SLC36A1: variants seen among roughly 807,000 people sequenced by gnomAD.
SLC36A1 encodes solute carrier family 36 member 1, also known as proton-coupled amino acid transporter 1.
SLC36A1 carries 30 observed loss-of-function variants against 47.5 expected under a neutral mutation model. That is an observed-to-expected ratio of 0.63 (90% CI 0.47 to 0.86). SLC36A1 has a LOEUF of 0.86. Among genes scored for constraint, SLC36A1 ranks in the 40% least tolerant of loss-of-function variants. The pLI is 0.00. For synonymous variants in SLC36A1, 255 were observed against 249.7 expected, an observed-to-expected ratio of 1.02 and a Z score of -0.20; for missense variants, 517 against 606.0, an observed-to-expected ratio of 0.85 and a Z score of 1.54.
At chr5:151,483,518 G>GTGT (rs57968429) in intron 10 of SLC36A1, among the ~76,000 whole-genome samples, 115 of 138,164 alleles carry the variant, frequency 8.3e-4, no homozygotes, top group South Asian at 5.0e-3. Context: ...TTGTGTGTGT[G>GTGT]GGGGGGGTGA....
the SLC36A1 span, among the ~76,000 whole-genome samples, chr5:151,367,374 T>TTCC: frequency 0.025 from 3,709 of 145,512 alleles, 108 homozygotes; most frequent in East Asian, 0.058. Context: ...TTTTTTTTTT[T>TTCC]CCCCAGGGTA....
rs1033818292 is a variant in SLC36A1, at chr5:151,491,034, A to G, written c.*2780A>G. ...GGAAACCGTGGGCTTTTCCGGCCAG[A>G]TACTCTTGAGCTCTGTGACCCTGCT... On this transcript the variant is annotated 3_prime_UTR_variant, in exon 11 of 11. Transcript: ENST00000243389. 1 of 152,302 alleles carries G rather than the reference A, an allele frequency of 6.6e-6. No individual in the cohort carries two copies. Among genetic ancestry groups the G allele is most frequent in the Non-Finnish European group, 1.5e-5 (1 of 68,116 alleles). 9.4% of individuals were successfully genotyped at this position (152,302 alleles called of 1,614,324 possible).
At chr5:151,362,056 G>T in the SLC36A1 span, among the ~76,000 whole-genome samples, 1,790 of 152,028 alleles carry the variant, frequency 0.012, 30 homozygotes, top group African/African-American at 0.041. Context: ...AGCCTTATTT[G>T]GGTTGAATCT....
the SLC36A1 span, chr5:151,537,805 C>G: frequency 1.2e-6 from 2 of 1,610,224 alleles, no homozygotes; most frequent in South Asian, 2.2e-5. Context: ...GTATGAGGAT[C>G]CAGCTTGAAT....
upstream of SLC36A1, among the ~76,000 whole-genome samples, chr5:151,436,859 A>G (rs1426734282): frequency 6.6e-6 from 1 of 152,028 alleles, no homozygotes; most frequent in Admixed American, 6.6e-5. Flanking sequence ...AGAAGCCCAA[A>G]CTGACGGGAC....
chr5:151,474,178 A>AAAAAAAAAAAAAAAAAAG (rs776318482), intron 8 of SLC36A1, among the ~76,000 whole-genome samples: 2 of 119,018 alleles, frequency 1.7e-5, no homozygotes, highest in African/African-American at 9.0e-5. Flanking sequence ...AAAAAAAAAA[A>AAAAAAAAAAAAAAAAAAG]AGAAATTATC....
At chr5:151,379,621 C>T in the SLC36A1 span, among the ~76,000 whole-genome samples, 28 of 152,316 alleles carry the variant, frequency 1.8e-4, 1 homozygote, top group South Asian at 4.1e-4. Context: ...CATGAGCCAC[C>T]GTGCCCGGCG....
chr5:151,509,596 G>A, the SLC36A1 span: 2 of 174,492 alleles, frequency 1.1e-5, no homozygotes, highest in African/African-American at 2.4e-5. Flanking sequence ...TCCTTATAAG[G>A]AGCATATATC....
In SLC36A1 at chr5:151,464,643, C is replaced by T. The variant is rs774538420; in HGVS notation, c.323+41C>T. The T allele has an allele frequency of 2.6e-6, 4 of 1,562,964 alleles. No homozygotes were observed. In the African/African-American group the frequency reaches 4.1e-5, roughly 16 times the overall value. On this transcript the variant is annotated intron_variant, in intron 4 of 10. Coordinates refer to ENST00000243389, the MANE Select transcript of SLC36A1 (RefSeq NM_078483.4). ...GCCACCTCTCAAGTGACAGATTGTC[C>T]TTTTGGGTTCTGTTATCAACCCTGA...
At chr5:151,385,254 C>G in the SLC36A1 span, among the ~76,000 whole-genome samples, 3 of 152,186 alleles carry the variant, frequency 2.0e-5, no homozygotes, top group Non-Finnish European at 4.4e-5. Flanking sequence ...AATGACCCAG[C>G]ATGGACCCTC....
At chr5:151,400,879 T>C in the SLC36A1 span, among the ~76,000 whole-genome samples, 1 of 152,144 alleles carries the variant, frequency 6.6e-6, no homozygotes, top group Admixed American at 6.6e-5. Context: ...TTTAGTTCTT[T>C]TGCTTGTTGA....
the SLC36A1 span, among the ~76,000 whole-genome samples, chr5:151,499,325 C>T: frequency 6.6e-6 from 1 of 152,206 alleles, no homozygotes; most frequent in African/African-American, 2.4e-5. Context: ...TCCTTAGACA[C>T]CGCACCACAG....
the SLC36A1 span, among the ~76,000 whole-genome samples, chr5:151,360,940 T>A: frequency 6.6e-6 from 1 of 152,224 alleles, no homozygotes; most frequent in Admixed American, 6.5e-5. Context: ...TCACTCCCCA[T>A]CTTTTTTGTC....
the SLC36A1 span, among the ~76,000 whole-genome samples, chr5:151,393,563 G>A: frequency 6.6e-6 from 1 of 152,158 alleles, no homozygotes; most frequent in African/African-American, 2.4e-5. Context: ...TCCATGTTGA[G>A]TCCTTCCTTC....
intron 7 of SLC36A1, 152 bp downstream of exon 7, chr5:151,468,077 G>A: frequency 1.6e-6 from 1 of 621,026 alleles, no homozygotes. Context: ...CCGTCATGGT[G>A]AAACCTGTCT....
At chr5:151,461,405 G>A (rs1264706205) in intron 2 of SLC36A1, among the ~76,000 whole-genome samples, 3 of 152,012 alleles carry the variant, frequency 2.0e-5, no homozygotes, top group Non-Finnish European at 4.4e-5. Context: ...TTTTCTTCTT[G>A]TTGCCCCTCT....
the SLC36A1 span, among the ~76,000 whole-genome samples, chr5:151,424,191 C>G: frequency 3.3e-5 from 5 of 152,218 alleles, no homozygotes. Flanking sequence ...GAGAGTCTGG[C>G]AATAAAAGTA....
the SLC36A1 span, among the ~76,000 whole-genome samples, chr5:151,426,387 A>G: frequency 6.6e-6 from 1 of 152,014 alleles, no homozygotes; most frequent in African/African-American, 2.4e-5. Context: ...CTATAGGATA[A>G]TGGTGGGGAG....
the SLC36A1 span, chr5:151,550,552 T>A: frequency 1.9e-6 from 3 of 1,608,216 alleles, no homozygotes; most frequent in Non-Finnish European, 2.5e-6. Flanking sequence ...CACATCTACA[T>A]GCAAACGTAT....
Sources: gnomAD v4.1 joint callset for allele counts (sites outside exome capture counted in the v4.1 genomes callset) on GRCh38, gnomAD v4.1.1 for gene constraint, MANE v1.5 for transcripts, NCBI Gene and HGNC (gene_info 2026-07-23, HGNC 2026-07-21) for gene names.